PLCG2: variants seen among roughly 807,000 people sequenced by gnomAD.
PLCG2 encodes phospholipase C gamma 2.
PLCG2 carries 69 observed loss-of-function variants against 175.6 expected under a neutral mutation model. The ratio of observed to expected loss-of-function variants is 0.39; its 90% CI spans 0.32 to 0.48. PLCG2 has a LOEUF of 0.48. Ranked by LOEUF, PLCG2 falls within the 20% of genes least tolerant of loss-of-function variation. The pLI is 0.91. For synonymous variants in PLCG2, 827 were observed against 624.0 expected, an observed-to-expected ratio of 1.33 and a Z score of -4.85; for missense variants, 1,798 against 1,650.9, an observed-to-expected ratio of 1.09 and a Z score of -1.54.
intron 17 of PLCG2, 59 bp downstream of exon 17, chr16:81,908,650 G>A (rs1361089546): frequency 3.4e-6 from 5 of 1,458,572 alleles, no homozygotes; most frequent in Non-Finnish European, 4.7e-6. Flanking sequence ...GATGAGGCAG[G>A]GTGGCGAGTG....
intron 2 of PLCG2, among the ~76,000 whole-genome samples, chr16:81,806,329 C>T (rs1410453077): frequency 6.6e-6 from 1 of 151,956 alleles, no homozygotes; most frequent in Non-Finnish European, 1.5e-5. Context: ...TAGTGGTGCT[C>T]CCTGTGTGTG....
chr16:81,855,857 G>A (rs190848358), intron 3 of PLCG2, among the ~76,000 whole-genome samples: 3 of 152,258 alleles, frequency 2.0e-5, no homozygotes, highest in East Asian at 1.9e-4. Flanking sequence ...TAGGAAATGA[G>A]GAGCGAATGT....
At chr16:81,752,813 C>T (rs560542739) in intron 1 of PLCG2, among the ~76,000 whole-genome samples, 5 of 152,312 alleles carry the variant, frequency 3.3e-5, no homozygotes, top group South Asian at 4.1e-4. Context: ...GGCACCTCCC[C>T]GGTGAGTGGC....
At chr16:81,818,531 C>T (rs942749287) in intron 2 of PLCG2, among the ~76,000 whole-genome samples, 2 of 152,054 alleles carry the variant, frequency 1.3e-5, no homozygotes, top group Admixed American at 6.6e-5. Flanking sequence ...TCATCGGCTG[C>T]ACGGAAATGG....
intron 29 of PLCG2, 135 bp downstream of exon 29, chr16:81,939,050 G>A (rs183630259): frequency 6.3e-6 from 4 of 631,840 alleles, no homozygotes; most frequent in African/African-American, 3.7e-5. Context: ...TGCCCACATG[G>A]TTCAGCTTGA....
At chr16:81,845,852 C>T (rs1005015435) in intron 2 of PLCG2, among the ~76,000 whole-genome samples, 16 of 152,202 alleles carry the variant, frequency 1.1e-4, no homozygotes, top group African/African-American at 3.9e-4. Context: ...GCTGCATATT[C>T]TTATGTGGCT....
At chr16:81,847,360 G>T (rs549493641) in intron 2 of PLCG2, among the ~76,000 whole-genome samples, 1 of 152,134 alleles carries the variant, frequency 6.6e-6, no homozygotes, top group Non-Finnish European at 1.5e-5. Context: ...TAATTACAAA[G>T]GCATGATTGA....
At chr16:81,887,476 C>A (rs573843427) in intron 9 of PLCG2, among the ~76,000 whole-genome samples, 1 of 152,312 alleles carries the variant, frequency 6.6e-6, no homozygotes, top group South Asian at 2.1e-4. Context: ...TTCAAAGATT[C>A]TGACACCTCT....
intron 1 of PLCG2, among the ~76,000 whole-genome samples, chr16:81,783,386 A>G (rs1407778937): frequency 6.6e-6 from 1 of 152,184 alleles, no homozygotes; most frequent in Non-Finnish European, 1.5e-5. Flanking sequence ...TACACGTGCC[A>G]TGTTGGTGTG....
intron 2 of PLCG2, among the ~76,000 whole-genome samples, chr16:81,793,758 T>C (rs1276372207): frequency 2.0e-5 from 3 of 152,210 alleles, no homozygotes; most frequent in Non-Finnish European, 2.9e-5. Flanking sequence ...ACATCAAAGA[T>C]AACTCCTTAA....
chr16:81,889,064 G>A (rs1020515643), intron 9 of PLCG2, 108 bp from the exon 10 acceptor site: 7 of 656,458 alleles, frequency 1.1e-5, no homozygotes, highest in African/African-American at 9.0e-5. Context: ...AGTGAATTCG[G>A]AATTGGTTGA....
intron 6 of PLCG2, among the ~76,000 whole-genome samples, chr16:81,870,017 G>T (rs1907438054): frequency 1.3e-5 from 2 of 152,106 alleles, no homozygotes; most frequent in Non-Finnish European, 2.9e-5. Flanking sequence ...AGTGCAAAAA[G>T]CTCATTTCAT....
chr16:81,747,396 G>A (rs962549177), intron 1 of PLCG2, among the ~76,000 whole-genome samples: 3 of 152,130 alleles, frequency 2.0e-5, no homozygotes, highest in Non-Finnish European at 2.9e-5. Flanking sequence ...CTAGCCTGGC[G>A]TGATGGTGGG....
chr16:81,826,913 G>C (rs920159726), intron 2 of PLCG2, among the ~76,000 whole-genome samples: 2 of 152,184 alleles, frequency 1.3e-5, no homozygotes, highest in Non-Finnish European at 2.9e-5. Context: ...GTTTATCCCT[G>C]CTGGAGATCC....
At chr16:81,934,574 A>C in intron 26 of PLCG2, 43 bp downstream of exon 26, 1 of 1,162,314 alleles carries the variant, frequency 8.6e-7, no homozygotes, top group Non-Finnish European at 1.3e-6. Flanking sequence ...TCCAATGAAA[A>C]CTTAACTTCC....
At chr16:81,747,458 C>T (rs578228171) in intron 1 of PLCG2, among the ~76,000 whole-genome samples, 3 of 152,204 alleles carry the variant, frequency 2.0e-5, no homozygotes, top group East Asian at 3.9e-4. Context: ...TTCCTTGAAC[C>T]CGGGAGGTGG....
intron 2 of PLCG2, among the ~76,000 whole-genome samples, chr16:81,849,377 A>G (rs560162320): frequency 2.0e-5 from 3 of 152,304 alleles, no homozygotes; most frequent in Admixed American, 2.0e-4. Flanking sequence ...CTATTGCTGG[A>G]AGACAATGTT....
intron 13 of PLCG2, chr16:81,897,888 C>G (rs1316254734): frequency 2.2e-6 from 1 of 455,390 alleles, no homozygotes; most frequent in East Asian, 7.0e-5. Flanking sequence ...GTCCCTTGAG[C>G]TGGGTGGAGG....
intron 1 of PLCG2, among the ~76,000 whole-genome samples, chr16:81,782,174 C>A (rs9944387): frequency 0.48 from 73,391 of 151,832 alleles, 17,889 homozygotes; most frequent in South Asian, 0.69. Flanking sequence ...CCGTGCCTGG[C>A]CCATTTTATG....
Sources: allele counts gnomAD v4.1 joint callset (sites outside exome capture counted in the v4.1 genomes callset), GRCh38; gene constraint gnomAD v4.1.1; transcripts MANE v1.5; gene names NCBI Gene and HGNC (gene_info 2026-07-23, HGNC 2026-07-21).